Variants in POLR3B observed in about 807,000 individuals in gnomAD.
POLR3B encodes RNA polymerase III subunit B.
Under a neutral mutation model 147.4 loss-of-function variants are expected in POLR3B, and 96 were observed. The ratio of observed to expected loss-of-function variants is 0.65; its 90% CI spans 0.55 to 0.77. The LOEUF (loss-of-function observed/expected upper bound fraction) is 0.77. Among genes scored for constraint, POLR3B ranks in the 30% least tolerant of loss-of-function variants. The pLI is 0.00. For synonymous variants in POLR3B, 461 were observed against 485.9 expected, an observed-to-expected ratio of 0.95 and a Z score of 0.67; for missense variants, 1,036 against 1,413.5, an observed-to-expected ratio of 0.73 and a Z score of 4.28.
intron 8 of POLR3B, 148 bp from the exon 9 acceptor site, chr12:106,379,883 T>C (rs750263723): frequency 3.0e-6 from 2 of 660,048 alleles, no homozygotes; most frequent in Non-Finnish European, 5.5e-6. Context: ...AGGAAAGGAA[T>C]TGTCTTTTTA....
chr12:106,411,902 T>C (rs2037232323), intron 12 of POLR3B, among the ~76,000 whole-genome samples: 1 of 152,248 alleles, frequency 6.6e-6, no homozygotes, highest in Non-Finnish European at 1.5e-5. Flanking sequence ...TTTTTCTGTT[T>C]TAGAAATTTC....
At position 106,451,644 on chromosome 12, in the gene POLR3B, GA is replaced by G. The variant is rs1565900647; in HGVS notation, c.2084-2857del. Among the ~76,000 whole-genome samples, 81 of 126,780 alleles carry G rather than the reference GA, an allele frequency of 6.4e-4. 2 individuals carry two copies. The highest frequency in any genetic ancestry group is 2.4e-3 in the African/African-American group (79 of 32,412). 83.2% of individuals were successfully genotyped at this position (126,780 alleles called of 152,430 possible). A position where few individuals can be genotyped will look rare whatever the true frequency, so the allele number is the denominator to read the frequency against. On this transcript the variant is annotated intron_variant, in intron 19 of 27. Transcript: ENST00000228347. Reference sequence around the variant, plus strand: ...TATTTAAAAAAAGGCGGGGGGGGAGGAGAGGGGAGGGAAGGAGAGGGGAGGA... The same window carrying G: ...TATTTAAAAAAAGGCGGGGGGGGAGGGAGGGGAGGGAAGGAGAGGGGAGGA...
chr12:106,465,139 A>T (rs371241257), intron 23 of POLR3B, among the ~76,000 whole-genome samples: 1 of 152,136 alleles, frequency 6.6e-6, no homozygotes, highest in Non-Finnish European at 1.5e-5. Flanking sequence ...TTCCCCTTTT[A>T]TCTTGGTCTT....
At chr12:106,409,607 A>G (rs2053232514) in intron 11 of POLR3B, among the ~76,000 whole-genome samples, 2 of 151,558 alleles carry the variant, frequency 1.3e-5, no homozygotes, top group South Asian at 4.2e-4. Flanking sequence ...GAATTCTAAC[A>G]TCCTACATTA....
At chr12:106,468,567 C>G (rs952820977) in intron 23 of POLR3B, among the ~76,000 whole-genome samples, 1 of 152,170 alleles carries the variant, frequency 6.6e-6, no homozygotes, top group African/African-American at 2.4e-5. Flanking sequence ...CCTGCTTTCT[C>G]TTGTGGGCAT....
chr12:106,436,072 G>A lies in POLR3B; in HGVS notation c.1782-985G>A, dbSNP rs190677166. Among the ~76,000 whole-genome samples, 166 of 152,244 alleles carry A rather than the reference G, an allele frequency of 1.1e-3. 4 individuals carry two copies. The East Asian group carries it at 0.017, about 16-fold the overall frequency. ...CCTACCAAGAAGGAGCCAGAATTTCGAGGTACTGTGGATTTCCATGAAAAG... is the reference window on the plus strand; with the variant it reads ...CCTACCAAGAAGGAGCCAGAATTTCAAGGTACTGTGGATTTCCATGAAAAG... On this transcript the variant is annotated intron_variant, in intron 16 of 27. Coordinates refer to ENST00000228347, the MANE Select transcript of POLR3B (RefSeq NM_018082.6).
intron 8 of POLR3B, among the ~76,000 whole-genome samples, chr12:106,379,197 A>AG (rs2036725214): frequency 6.6e-6 from 1 of 152,228 alleles, no homozygotes; most frequent in Non-Finnish European, 1.5e-5. Flanking sequence ...CCTTAAGCTC[A>AG]GGGGTACCTT....
At chr12:106,399,557 A>T (rs1337993558) in intron 10 of POLR3B, among the ~76,000 whole-genome samples, 6 of 152,244 alleles carry the variant, frequency 3.9e-5, no homozygotes, top group Non-Finnish European at 7.3e-5. Context: ...GAAAGAAAAA[A>T]TGTTAAGGGC....
At chr12:106,415,243 T>TA (rs1396068459) in intron 12 of POLR3B, among the ~76,000 whole-genome samples, 3 of 152,206 alleles carry the variant, frequency 2.0e-5, no homozygotes, top group Non-Finnish European at 2.9e-5. Flanking sequence ...CTCACTCTTG[T>TA]ACTTAGGCTA....
chr12:106,465,653 C>T (rs2037993907), intron 23 of POLR3B, among the ~76,000 whole-genome samples: 1 of 152,178 alleles, frequency 6.6e-6, no homozygotes. Flanking sequence ...TGATGTTCCC[C>T]TCCCTGTGTC....
intron 12 of POLR3B, among the ~76,000 whole-genome samples, chr12:106,422,303 A>G (rs966004539): frequency 6.6e-6 from 1 of 152,122 alleles, no homozygotes; most frequent in Non-Finnish European, 1.5e-5. Flanking sequence ...TGCTCTGGCC[A>G]TATAAGACAT....
intron 23 of POLR3B, among the ~76,000 whole-genome samples, chr12:106,487,618 A>C (rs1224827985): frequency 6.6e-6 from 1 of 152,160 alleles, no homozygotes; most frequent in Non-Finnish European, 1.5e-5. Flanking sequence ...AATTGTGTGT[A>C]GATCACATTT....
intron 23 of POLR3B, among the ~76,000 whole-genome samples, chr12:106,484,418 A>G (rs950159659): frequency 1.3e-5 from 2 of 152,114 alleles, no homozygotes; most frequent in African/African-American, 2.4e-5. Flanking sequence ...AGAGGTAAAC[A>G]AGACTGATGG....
Position 106,398,185 on chromosome 12 carries a change from A to G in POLR3B, c.846+5032A>G, listed in dbSNP as rs1423536851. ...AAGAAACGGCACACCAGGAGATTAT[A>G]TCCCGCACATGACTCGGAGGGTCCT... is the stretch of plus-strand genomic sequence containing the variant. On this transcript the variant is annotated intron_variant, in intron 10 of 27. Coordinates refer to ENST00000228347, the MANE Select transcript of POLR3B (RefSeq NM_018082.6). Among the ~76,000 whole-genome samples the G allele has an allele frequency of 2.0e-5, 3 of 152,220 alleles. No homozygotes were observed. In the East Asian group the frequency reaches 5.8e-4, roughly 29 times the overall value.
At chr12:106,360,364 C>G (rs2036453740) in intron 1 of POLR3B, among the ~76,000 whole-genome samples, 1 of 152,112 alleles carries the variant, frequency 6.6e-6, no homozygotes, top group Non-Finnish European at 1.5e-5. Context: ...CCATGGTTCC[C>G]CCCTCTCCCT....
chr12:106,468,963 G>T (rs982158279), intron 23 of POLR3B, among the ~76,000 whole-genome samples: 22 of 152,122 alleles, frequency 1.4e-4, no homozygotes, highest in Non-Finnish European at 1.9e-4. Flanking sequence ...AGGTCCATTT[G>T]GTCCAGAGCT....
At chr12:106,493,207 G>A (rs899458990) in intron 23 of POLR3B, among the ~76,000 whole-genome samples, 2 of 152,114 alleles carry the variant, frequency 1.3e-5, no homozygotes, top group African/African-American at 2.4e-5. Context: ...ACATTGAAGC[G>A]CACCGCATAT....
At chr12:106,374,778 A>G (rs2036655784) in intron 6 of POLR3B, among the ~76,000 whole-genome samples, 1 of 151,984 alleles carries the variant, frequency 6.6e-6, no homozygotes, top group South Asian at 2.1e-4. Flanking sequence ...GGCCTCCTAT[A>G]GTGCTGGGAT....
chr12:106,413,411 G>A (rs1264886898), intron 12 of POLR3B, among the ~76,000 whole-genome samples: 2 of 151,706 alleles, frequency 1.3e-5, no homozygotes, highest in Non-Finnish European at 2.9e-5. Context: ...TTTACTTTAG[G>A]CAAATATTTC....
Sources: gnomAD v4.1 joint callset for allele counts (sites outside exome capture counted in the v4.1 genomes callset) on GRCh38, gnomAD v4.1.1 for gene constraint, MANE v1.5 for transcripts, NCBI Gene and HGNC (gene_info 2026-07-23, HGNC 2026-07-21) for gene names.